WDR59: variants seen among roughly 807,000 people sequenced by gnomAD.
WDR59 encodes the protein WD repeat domain 59.
WDR59 carries 100 observed loss-of-function variants against 131.2 expected under a neutral mutation model. The observed-to-expected ratio is 0.76, with a 90% CI of 0.65 to 0.90. WDR59 has a LOEUF of 0.90. Ranked by LOEUF, WDR59 falls within the 40% of genes least tolerant of loss-of-function variation. WDR59 has a pLI of 0.00. For missense variants in WDR59, 1,203 were observed against 1,262.2 expected (o/e 0.95, Z 0.71); for synonymous variants, 601 against 466.2 (o/e 1.29, Z -3.72).
chr16:74,895,508 C>A (rs1965258091), intron 18 of WDR59, among the ~76,000 whole-genome samples: 1 of 152,160 alleles, frequency 6.6e-6, no homozygotes, highest in Admixed American at 6.5e-5. Flanking sequence ...AGTGATTCAC[C>A]CACCTTGGCC....
At chr16:74,905,300 G>A (rs1396259373) in intron 17 of WDR59, among the ~76,000 whole-genome samples, 2 of 151,948 alleles carry the variant, frequency 1.3e-5, no homozygotes, top group Non-Finnish European at 2.9e-5. Flanking sequence ...ACTTGAACCC[G>A]GGAGGCGGAG....
At chr16:74,910,858 C>T (rs890960696) in intron 14 of WDR59, among the ~76,000 whole-genome samples, 8 of 152,174 alleles carry the variant, frequency 5.3e-5, no homozygotes, top group Non-Finnish European at 8.8e-5. Context: ...CTGCAGCCTC[C>T]GCCTCCCAGG....
chr16:74,916,156 T>C lies in WDR59; in HGVS notation c.1070A>G (p.Gln357Arg), dbSNP rs1238132265. 1 of 1,614,110 alleles carries C rather than the reference T, an allele frequency of 6.2e-7. No homozygotes were observed. Among genetic ancestry groups the C allele is most frequent in the Non-Finnish European group, 8.5e-7 (1 of 1,180,042 alleles). Residue 357 changes from glutamine (Q) to arginine (R), a missense_variant, in exon 12 of 26, where the codon CAG becomes CGG. By Grantham distance (43) the Gln-to-Arg change is conservative (BLOSUM62 1). Transcript: ENST00000262144. ...TTCCTCCCCATGGCTTGCAGTGTGC[T>C]GGTGATCTGTATCTTCAGTGTGCAG... ...KTLHTEDTDH[Q>R]HTASHGEEEA...
chr16:74,964,774 G>A (rs2033699024), intron 2 of WDR59, among the ~76,000 whole-genome samples: 1 of 151,904 alleles, frequency 6.6e-6, no homozygotes, highest in African/African-American at 2.4e-5. Context: ...TTTTTGGCTG[G>A]GTACGGTGGC....
chr16:74,945,945 G>A lies in WDR59; in HGVS notation c.445+2574C>T, dbSNP rs184756170. On this transcript the variant is annotated intron_variant, in intron 6 of 25. Transcript: ENST00000262144. Reference sequence around the variant, plus strand: ...CAATTCTCCTGCCTCAGCCTCCCAAGAAGCTGAGATTACAGGCATGCACCA... The same window carrying A: ...CAATTCTCCTGCCTCAGCCTCCCAAAAAGCTGAGATTACAGGCATGCACCA... Among the ~76,000 whole-genome samples, 501 of 150,744 alleles carry A rather than the reference G, an allele frequency of 3.3e-3. 4 individuals carry two copies. Among genetic ancestry groups the A allele is most frequent in the African/African-American group, 0.011 (471 of 41,000 alleles).
intron 13 of WDR59, among the ~76,000 whole-genome samples, chr16:74,913,051 C>A (rs1339815415): frequency 8.0e-6 from 1 of 124,462 alleles, no homozygotes; most frequent in Non-Finnish European, 1.7e-5. Flanking sequence ...AGTTTTGGGG[C>A]CAGTTTATGG....
At chr16:74,947,602 A>G (rs189252401) in intron 6 of WDR59, among the ~76,000 whole-genome samples, 1 of 152,308 alleles carries the variant, frequency 6.6e-6, no homozygotes, top group East Asian at 1.9e-4. Flanking sequence ...ATTTGTAACT[A>G]AAAAAAGAGA....
At chr16:74,957,411 C>G (rs1437913360) in intron 2 of WDR59, among the ~76,000 whole-genome samples, 2 of 152,018 alleles carry the variant, frequency 1.3e-5, no homozygotes, top group Non-Finnish European at 2.9e-5. Flanking sequence ...CTTCACATCG[C>G]CAGGCTCAGT....
At chr16:74,890,063 A>T (rs867471149) in intron 20 of WDR59, among the ~76,000 whole-genome samples, 1 of 152,200 alleles carries the variant, frequency 6.6e-6, no homozygotes, top group Non-Finnish European at 1.5e-5. Flanking sequence ...AGGCTTAAAA[A>T]TTTTTCATTA....
At chr16:74,883,189 T>A (rs1964593160) in intron 25 of WDR59, among the ~76,000 whole-genome samples, 1 of 151,800 alleles carries the variant, frequency 6.6e-6, no homozygotes, top group African/African-American at 2.4e-5. Flanking sequence ...CACGCCCGGC[T>A]AATTTTTGTA....
intron 2 of WDR59, among the ~76,000 whole-genome samples, chr16:74,965,266 C>CAG (rs34578917): frequency 0.55 from 83,386 of 151,660 alleles, 24,118 homozygotes; most frequent in East Asian, 0.76. Flanking sequence ...CCTTAATTGC[C>CAG]AGTCTTAAAA....
chr16:74,910,222 C>T (rs1281271678), intron 14 of WDR59, among the ~76,000 whole-genome samples: 1 of 152,124 alleles, frequency 6.6e-6, no homozygotes, highest in African/African-American at 2.4e-5. Context: ...CCCATCTCGG[C>T]CTCCCAAAGT....
chr16:74,940,679 G>A (rs2032148478), intron 7 of WDR59, among the ~76,000 whole-genome samples: 1 of 152,026 alleles, frequency 6.6e-6, no homozygotes, highest in Non-Finnish European at 1.5e-5. Flanking sequence ...CTGAGCAGAA[G>A]TCCTAAGTAT....
chr16:74,940,733 T>C (rs527346142), intron 7 of WDR59, among the ~76,000 whole-genome samples: 1 of 151,966 alleles, frequency 6.6e-6, no homozygotes, highest in Non-Finnish European at 1.5e-5. Flanking sequence ...TGAGACGGAG[T>C]CTTGCTCTGT....
chr16:74,969,836 G>C (rs113549790), intron 1 of WDR59, among the ~76,000 whole-genome samples: 2 of 152,158 alleles, frequency 1.3e-5, no homozygotes, highest in African/African-American at 4.8e-5. Flanking sequence ...ACACAGGTTG[G>C]AGTACAGTGG....
chr16:74,985,044 AGGAC>A lies in WDR59; in HGVS notation c.-31_-28del. On this transcript the variant is annotated 5_prime_UTR_variant, in exon 1 of 26. Transcript: ENST00000262144. ...TCCCCCGCCCGGCCGCCGCGGCCCC[AGGAC>A]GGCGCCCTCCCACCCCGCCGTCCCC... 1 of 1,555,888 alleles carries A rather than the reference AGGAC, an allele frequency of 6.4e-7. No individual in the cohort carries two copies. Among genetic ancestry groups the A allele is most frequent in the African/African-American group, 1.4e-5 (1 of 73,470 alleles).
chr16:74,928,010 C>T (rs1340789038), intron 8 of WDR59, among the ~76,000 whole-genome samples: 1 of 148,422 alleles, frequency 6.7e-6, no homozygotes, highest in Admixed American at 6.8e-5. Flanking sequence ...CAAGTTCAAG[C>T]GAATCTCCTG....
chr16:74,917,565 G>T (rs113184337), intron 11 of WDR59, among the ~76,000 whole-genome samples: 2,426 of 152,198 alleles, frequency 0.016, 59 homozygotes, highest in South Asian at 0.051. Flanking sequence ...TCCCAGCACT[G>T]TGGGAGGCTG....
intron 2 of WDR59, among the ~76,000 whole-genome samples, chr16:74,965,539 T>C (rs570478665): frequency 1.3e-5 from 2 of 152,220 alleles, no homozygotes; most frequent in Admixed American, 1.3e-4. Flanking sequence ...CAATTTCAAG[T>C]TCAAGCTACC....
Sources: allele counts gnomAD v4.1 joint callset (sites outside exome capture counted in the v4.1 genomes callset), GRCh38; gene constraint gnomAD v4.1.1; transcripts MANE v1.5; gene names NCBI Gene and HGNC (gene_info 2026-07-23, HGNC 2026-07-21).